The following NADK variants were observed in gnomAD, a reference collection of about 807,000 sequenced individuals.
NADK encodes the protein poly(P)/ATP NAD kinase.
A neutral mutation model predicts 49.8 loss-of-function variants in NADK; 22 were observed. The observed-to-expected ratio is 0.44, with a 90% confidence interval of 0.32 to 0.63. NADK has a LOEUF of 0.63. NADK is among the 30% of genes least tolerant of loss of function. The pLI is 0.06. For missense variants in NADK, 438 were observed against 609.4 expected (o/e 0.72, Z 2.96); for synonymous variants, 268 against 253.7 (o/e 1.06, Z -0.54).
At chr1:1,756,807 T>A (rs1645538773) in intron 4 of NADK, 199 bp from the exon 5 acceptor site, 1 of 975,540 alleles carries the variant, frequency 1.0e-6, no homozygotes, top group Admixed American at 1.7e-5. Context: ...CGGAGGGGGC[T>A]CCCTCTCAGG....
At position 1,754,815 on chromosome 1, in the gene NADK, T is replaced by G. The variant is rs900525854; in HGVS notation, c.689-117A>C. 1 of 935,240 alleles carries G rather than the reference T, an allele frequency of 1.1e-6. No individual in the cohort carries two copies. Among genetic ancestry groups the G allele is most frequent in the Non-Finnish European group, 1.6e-6 (1 of 626,518 alleles). The allele number at this position is 935,240 out of a possible 1,614,324, so 57.9% of individuals were successfully genotyped here. A position where few individuals can be genotyped will look rare whatever the true frequency, so the allele number is the denominator to read the frequency against. ...TCTTTCTTCTCCCAAGTTGACACAC[T>G]TCTGTGCCTTTTTCTTTTTATTTTG... On this transcript the variant is annotated intron_variant, in intron 7 of 11. Transcript: ENST00000341426. This position sits in a 1 kb window ranked among gnomAD's most constrained non-coding sequence, Gnocchi z 4.3.
intron 1 of NADK, among the ~76,000 whole-genome samples, chr1:1,772,846 C>A (rs1646091803): frequency 6.6e-6 from 1 of 151,738 alleles, no homozygotes; most frequent in Non-Finnish European, 1.5e-5. Flanking sequence ...TTGAGACCAG[C>A]CTGACCAACA....
chr1:1,760,855 C>T (rs1033540804), intron 3 of NADK, among the ~76,000 whole-genome samples: 1 of 152,238 alleles, frequency 6.6e-6, no homozygotes, highest in Non-Finnish European at 1.5e-5. Flanking sequence ...TCTCTGGAGA[C>T]AGTCTTGCTC....
In NADK at chr1:1,754,963, G is replaced by C; in HGVS notation, c.689-265C>G. On this transcript the variant is annotated intron_variant, in intron 7 of 11. Coordinates refer to ENST00000341426, the MANE Select transcript of NADK (RefSeq NM_023018.5). The surrounding 1 kb of genome is among the most constrained non-coding windows in gnomAD (Gnocchi z 4.3). The stretch of plus-strand genomic sequence containing the variant: ...CAGCCTCCCAAGTAGCTGGAACTAC[G>C]GGTGCGCACCACCACGCCCAGCTAA... 2.2e-6 allele frequency: 1 copy of C among 457,064 alleles called. No homozygotes were observed. The allele number at this position is 457,064 out of a possible 1,614,324, so 28.3% of individuals were successfully genotyped here. A position where few individuals can be genotyped will look rare whatever the true frequency, so the allele number is the denominator to read the frequency against.
intron 1 of NADK, among the ~76,000 whole-genome samples, chr1:1,773,283 G>A (rs1460580366): frequency 1.3e-5 from 2 of 151,052 alleles, no homozygotes; most frequent in Non-Finnish European, 3.0e-5. Flanking sequence ...GGGATTACAG[G>A]TGCCCGCCGC....
intron 11 of NADK, 81 bp downstream of exon 11, chr1:1,753,486 G>T (rs1645398098): frequency 1.6e-6 from 2 of 1,220,244 alleles, no homozygotes; most frequent in African/African-American, 1.5e-5. Flanking sequence ...TGTGTCTACA[G>T]GCCAACCGCA....
At chr1:1,763,299 C>T (rs1158588659) in intron 2 of NADK, among the ~76,000 whole-genome samples, 7 of 151,608 alleles carry the variant, frequency 4.6e-5, no homozygotes, top group African/African-American at 1.7e-4. Flanking sequence ...CTGGCTAACA[C>T]GGTGAAACCC....
intron 3 of NADK, 78 bp from the exon 4 acceptor site, chr1:1,757,388 A>T: frequency 7.6e-7 from 1 of 1,323,568 alleles, no homozygotes; most frequent in African/African-American, 1.5e-5. Context: ...AGAAAATAAA[A>T]AAAAAAATCT....
At chr1:1,774,982 G>T (rs989926435) in intron 1 of NADK, among the ~76,000 whole-genome samples, 1 of 152,004 alleles carries the variant, frequency 6.6e-6, no homozygotes, top group Non-Finnish European at 1.5e-5. Flanking sequence ...GGTGGCAGGC[G>T]CCTGTCATCC....
At chr1:1,767,220 A>C (rs1432497700) in intron 1 of NADK, among the ~76,000 whole-genome samples, 1 of 152,174 alleles carries the variant, frequency 6.6e-6, no homozygotes, top group Non-Finnish European at 1.5e-5. Context: ...CCCAGCCTAG[A>C]ACCTCATCTT....
At chr1:1,771,961 C>T (rs1646064133) in intron 1 of NADK, among the ~76,000 whole-genome samples, 3 of 139,804 alleles carry the variant, frequency 2.1e-5, no homozygotes, top group South Asian at 4.5e-4. Flanking sequence ...GCATGCACCA[C>T]CACACCTGGA....
At chr1:1,779,524 G>A (rs1408618911), upstream of NADK, among the ~76,000 whole-genome samples, 2 of 152,126 alleles carry the variant, frequency 1.3e-5, no homozygotes, top group African/African-American at 2.4e-5. Flanking sequence ...CGTCCCCCAG[G>A]CCGGAGTCCA....
At chr1:1,765,007 G>T (rs139299647) in intron 2 of NADK, among the ~76,000 whole-genome samples, 62 of 152,352 alleles carry the variant, frequency 4.1e-4, no homozygotes, top group Non-Finnish European at 4.9e-4. Flanking sequence ...AAACACGGTG[G>T]CACCCTGTGC....
At chr1:1,757,060 G>A (rs1645549442) in intron 4 of NADK, 121 bp downstream of exon 4, 1 of 1,437,530 alleles carries the variant, frequency 7.0e-7, no homozygotes, top group African/African-American at 1.4e-5. Context: ...CCCAGTTCCA[G>A]ACAAGCAGCC....
rs140611376 is a variant in NADK, at chr1:1,764,491, G to A, written c.179+737C>T. On this transcript the variant is annotated intron_variant, in intron 2 of 11. Coordinates refer to ENST00000341426, the MANE Select transcript of NADK (RefSeq NM_023018.5). ...GAGGGCTGGGCCCGCCCAAGGCCACGCTCATAACTCTGCCTCCACCAGCCC... is the reference window on the plus strand; with the variant it reads ...GAGGGCTGGGCCCGCCCAAGGCCACACTCATAACTCTGCCTCCACCAGCCC... Among the ~76,000 whole-genome samples, 60 of 152,312 alleles carry A rather than the reference G, an allele frequency of 3.9e-4. 1 individual carries two copies. The highest frequency in any genetic ancestry group is 1.0e-3 in the South Asian group (5 of 4,834).
rs4751 is a variant in NADK, at chr1:1,754,601, G to A, written c.786C>T (p.Asn262=). The change falls in exon 8 of 12, where the codon AAC becomes AAT. Residue 262 remains asparagine, a synonymous_variant. Coordinates refer to ENST00000341426, the MANE Select transcript of NADK (RefSeq NM_023018.5). This position sits in a 1 kb window ranked among gnomAD's most constrained non-coding sequence, Gnocchi z 4.3. The part of the protein sequence containing the change: ...KTAVHNGLGE[N]GSQAAGLDMD... ...TGTCCAGGCCTGCAGCCTGCGAGCCGTTCTCACCCAGCCCATTGTGCACGG... is the reference window on the plus strand; with the variant it reads ...TGTCCAGGCCTGCAGCCTGCGAGCCATTCTCACCCAGCCCATTGTGCACGG... 3.1e-6 allele frequency: 5 copies of A among 1,613,686 alleles called. No individual in the cohort carries two copies. The highest frequency in any genetic ancestry group is 2.2e-5 in the East Asian group (1 of 44,858).
At chr1:1,753,939 G>A in intron 10 of NADK, 112 bp downstream of exon 10, 5 of 1,360,062 alleles carry the variant, frequency 3.7e-6, no homozygotes, top group Non-Finnish European at 5.0e-6. Context: ...GGATGACGAG[G>A]CCGCGTCTGA....
In NADK at chr1:1,757,397, C is replaced by A. The variant is rs936424137; in HGVS notation, c.264-87G>T. ...TGACTTAGAAAATAAAAAAAAAAAT[C>A]TTTAAAAAGGTGTTTTCACCTCCCA... On this transcript the variant is annotated intron_variant, in intron 3 of 11. Coordinates refer to ENST00000341426, the MANE Select transcript of NADK (RefSeq NM_023018.5). 73 of 1,240,348 alleles carry A rather than the reference C, an allele frequency of 5.9e-5. 1 individual carries two copies. Among genetic ancestry groups the A allele is most frequent in the African/African-American group, 2.0e-4 (13 of 65,956 alleles). 76.8% of individuals were successfully genotyped at this position (1,240,348 alleles called of 1,614,324 possible).
intron 1 of NADK, among the ~76,000 whole-genome samples, chr1:1,772,699 T>C (rs968334505): frequency 1.3e-5 from 2 of 151,968 alleles, no homozygotes; most frequent in Non-Finnish European, 2.9e-5. Flanking sequence ...AGTATTTCAA[T>C]TCCCTGGTTT....
Sources: allele counts gnomAD v4.1 joint callset (sites outside exome capture counted in the v4.1 genomes callset), GRCh38; gene constraint gnomAD v4.1.1; non-coding constraint Gnocchi (gnomAD v3.1); transcripts MANE v1.5; gene names NCBI Gene and HGNC (gene_info 2026-07-23, HGNC 2026-07-21).